The following GRID2 variants were observed in gnomAD, a reference collection of about 807,000 sequenced individuals.
GRID2 encodes glutamate ionotropic receptor delta type subunit 2.
A neutral mutation model predicts 114.8 loss-of-function variants in GRID2; 33 were observed. The observed-to-expected ratio is 0.29, with a 90% confidence interval of 0.22 to 0.38. The LOEUF is 0.38. Among genes scored for constraint, GRID2 ranks in the 10% least tolerant of loss-of-function variants. The probability of loss-of-function intolerance (pLI) is 1.00; values close to 1 mark genes in which losing one functional copy is unlikely to be tolerated. For synonymous variants in GRID2, 505 were observed against 449.9 expected, an observed-to-expected ratio of 1.12 and a Z score of -1.55; for missense variants, 1,184 against 1,257.7, an observed-to-expected ratio of 0.94 and a Z score of 0.89.
rs1743374398 is a variant in GRID2, at chr4:93,210,781, C to T, written c.789+3324C>T. Among the ~76,000 whole-genome samples the T allele has an allele frequency of 3.3e-5, 5 of 152,046 alleles. No homozygotes were observed. In the South Asian group the frequency reaches 1.0e-3, roughly 32 times the overall value. On this transcript the variant is annotated intron_variant, in intron 5 of 15. Coordinates refer to ENST00000282020, the MANE Select transcript of GRID2 (RefSeq NM_001510.4). ...ATGGTTTATATTTTTGAAATTTCTA[C>T]TGCCTCAGTTATAATCTGATGGGAG...
At chr4:92,585,215 G>T (rs1051751085) in intron 1 of GRID2, among the ~76,000 whole-genome samples, 5 of 151,670 alleles carry the variant, frequency 3.3e-5, no homozygotes, top group Non-Finnish European at 7.4e-5. Context: ...AAAATTTGGG[G>T]GGTAGAGAGA....
intron 8 of GRID2, among the ~76,000 whole-genome samples, chr4:93,310,182 A>C (rs891486963): frequency 1.3e-5 from 2 of 152,186 alleles, no homozygotes; most frequent in African/African-American, 4.8e-5. Context: ...AAGACCTATA[A>C]GTTTTTGGTT....
Position 92,775,303 on chromosome 4 carries a change from C to T in GRID2, c.244+185017C>T, listed in dbSNP as rs77451680. Among the ~76,000 whole-genome samples, 208 of 152,228 alleles carry T rather than the reference C, an allele frequency of 1.4e-3. No individual in the cohort carries two copies. The East Asian group carries it at 0.019, about 14-fold the overall frequency. On this transcript the variant is annotated intron_variant, in intron 2 of 15. Transcript: ENST00000282020. The stretch of plus-strand genomic sequence containing the variant: ...TTCGCTCACTGTTTTGCAAGACATT[C>T]GCAGATCTGCATGTTGACTGTTGAC...
intron 1 of GRID2, among the ~76,000 whole-genome samples, chr4:92,426,711 T>C (rs2110333543): frequency 6.6e-6 from 1 of 152,304 alleles, no homozygotes; most frequent in South Asian, 2.1e-4. Context: ...TTATATATTA[T>C]GTGAAATTAT....
intron 1 of GRID2, among the ~76,000 whole-genome samples, chr4:92,343,383 A>G (rs1165688219): frequency 6.6e-6 from 1 of 152,060 alleles, no homozygotes; most frequent in Non-Finnish European, 1.5e-5. Context: ...CTGTATTTAC[A>G]ATTAACCCTT....
chr4:93,477,857 CTAT>C (rs895173830), intron 11 of GRID2, among the ~76,000 whole-genome samples: 53 of 152,178 alleles, frequency 3.5e-4, no homozygotes, highest in African/African-American at 1.2e-3. Context: ...TTTCTAAATG[CTAT>C]CACTGCCACT....
chr4:93,286,185 A>T (rs1410356160), intron 8 of GRID2, among the ~76,000 whole-genome samples: 1 of 152,130 alleles, frequency 6.6e-6, no homozygotes, highest in Non-Finnish European at 1.5e-5. Flanking sequence ...GCTTATATAG[A>T]TTATAAAAAT....
At chr4:92,887,050 T>C (rs1746425464) in intron 2 of GRID2, among the ~76,000 whole-genome samples, 1 of 152,228 alleles carries the variant, frequency 6.6e-6, no homozygotes, top group South Asian at 2.1e-4. Context: ...CATAAATAAC[T>C]CTACATATGA....
intron 2 of GRID2, among the ~76,000 whole-genome samples, chr4:92,722,504 A>G (rs1735858054): frequency 6.6e-6 from 1 of 152,166 alleles, no homozygotes; most frequent in Non-Finnish European, 1.5e-5. Context: ...ACCAAAAGAA[A>G]CTATTGTGTA....
At chr4:93,340,260 A>G (rs1406844230) in intron 8 of GRID2, among the ~76,000 whole-genome samples, 1 of 130,560 alleles carries the variant, frequency 7.7e-6, no homozygotes, top group Non-Finnish European at 1.6e-5. Context: ...TTTTTTTTTA[A>G]CTTTCTGTAG....
chr4:93,284,484 C>T lies in GRID2; in HGVS notation c.1245+45994C>T, dbSNP rs552487775. On this transcript the variant is annotated intron_variant, in intron 8 of 15. Transcript: ENST00000282020. ...CACATTTACCTATGTAACAAACCTG[C>T]ACATGTACCCCTGAACTTAAAATAG... Among the ~76,000 whole-genome samples the T allele has an allele frequency of 4.6e-5, 7 of 151,860 alleles. No individual in the cohort carries two copies. The East Asian group carries it at 1.4e-3, about 29-fold the overall frequency.
At chr4:93,006,893 G>T (rs1721593724) in intron 2 of GRID2, among the ~76,000 whole-genome samples, 1 of 149,896 alleles carries the variant, frequency 6.7e-6, no homozygotes, top group Admixed American at 6.6e-5. Flanking sequence ...CCAAAAGTAA[G>T]TAAAAAAACA....
intron 1 of GRID2, among the ~76,000 whole-genome samples, chr4:92,459,588 T>C (rs1325831852): frequency 2.0e-5 from 3 of 152,122 alleles, no homozygotes; most frequent in African/African-American, 7.2e-5. Context: ...TCTATTACCT[T>C]TCTTTAAACT....
intron 4 of GRID2, among the ~76,000 whole-genome samples, chr4:93,202,522 C>T (rs900018787): frequency 1.3e-5 from 2 of 152,074 alleles, no homozygotes; most frequent in Non-Finnish European, 2.9e-5. Context: ...TTTCCTGTGG[C>T]AGTAAATATA....
intron 4 of GRID2, among the ~76,000 whole-genome samples, chr4:93,201,662 T>C (rs1373090465): frequency 1.3e-5 from 2 of 152,234 alleles, no homozygotes; most frequent in African/African-American, 4.8e-5. Flanking sequence ...GCTGTTATTG[T>C]TTAGTCAATT....
chr4:93,489,122 C>T (rs972177087), intron 11 of GRID2, among the ~76,000 whole-genome samples: 3 of 151,882 alleles, frequency 2.0e-5, no homozygotes, highest in Non-Finnish European at 4.4e-5. Context: ...AAGCCTAATA[C>T]ATTGTTATTT....
intron 1 of GRID2, among the ~76,000 whole-genome samples, chr4:92,577,469 A>T (rs1324858290): frequency 6.6e-6 from 1 of 152,226 alleles, no homozygotes; most frequent in Non-Finnish European, 1.5e-5. Flanking sequence ...AAATGAACTT[A>T]GTCATCTGGG....
chr4:92,987,536 A>G (rs1403995682), intron 2 of GRID2, among the ~76,000 whole-genome samples: 2 of 152,144 alleles, frequency 1.3e-5, no homozygotes, highest in Non-Finnish European at 2.9e-5. Context: ...TGGCACATGT[A>G]TATATATGTA....
chr4:93,336,969 A>AC (rs201109034), intron 8 of GRID2, among the ~76,000 whole-genome samples: 1 of 152,022 alleles, frequency 6.6e-6, no homozygotes, highest in Non-Finnish European at 1.5e-5. Context: ...GCATCCAAAA[A>AC]TTATTGAAGC....
Sources: allele counts gnomAD v4.1 joint callset (sites outside exome capture counted in the v4.1 genomes callset), GRCh38; gene constraint gnomAD v4.1.1; transcripts MANE v1.5; gene names NCBI Gene and HGNC (gene_info 2026-07-23, HGNC 2026-07-21).